The following CPNE4 variants were observed in gnomAD, a reference collection of about 807,000 sequenced individuals.
CPNE4 encodes the protein copine-4.
Under a neutral mutation model 67.9 loss-of-function variants are expected in CPNE4, and 25 were observed. The observed-to-expected ratio is 0.37, with a 90% CI of 0.27 to 0.51. CPNE4 has a LOEUF of 0.51. Among genes scored for constraint, CPNE4 ranks in the 20% least tolerant of loss-of-function variants. CPNE4 has a pLI of 0.93. For missense variants in CPNE4, 464 were observed against 690.8 expected, an observed-to-expected ratio of 0.67 and a Z score of 3.68; for synonymous variants, 242 against 244.9, an observed-to-expected ratio of 0.99 and a Z score of 0.11.
intron 15 of CPNE4, chr3:131,538,726 C>T (rs1935313537): frequency 6.6e-6 from 1 of 152,148 alleles, no homozygotes; most frequent in Admixed American, 6.5e-5. Flanking sequence ...GAAGTGGGGC[C>T]TCATAAGATG....
At chr3:131,772,028 AT>A (rs1470501703) in intron 2 of CPNE4, among the ~76,000 whole-genome samples, 1 of 152,166 alleles carries the variant, frequency 6.6e-6, no homozygotes, top group Non-Finnish European at 1.5e-5. Context: ...CTCAGTATCC[AT>A]TCGCAAATGA....
intron 2 of CPNE4, among the ~76,000 whole-genome samples, chr3:131,781,921 T>A (rs1018929790): frequency 5.9e-5 from 9 of 152,244 alleles, no homozygotes; most frequent in Admixed American, 3.3e-4. Flanking sequence ...GCTTTTCTGA[T>A]TGCCACCTCT....
chr3:131,902,480 T>C (rs2088590613), intron 2 of CPNE4, among the ~76,000 whole-genome samples: 1 of 152,104 alleles, frequency 6.6e-6, no homozygotes, highest in Non-Finnish European at 1.5e-5. Context: ...TTTATTGCAG[T>C]ATTACTTAAA....
At chr3:131,570,833 A>G (rs1369645917) in intron 10 of CPNE4, among the ~76,000 whole-genome samples, 3 of 152,058 alleles carry the variant, frequency 2.0e-5, no homozygotes, top group Non-Finnish European at 4.4e-5. Flanking sequence ...AGAATCATTG[A>G]CTGTCTAGGG....
chr3:131,641,654 C>T (rs925407912), intron 7 of CPNE4, among the ~76,000 whole-genome samples: 1 of 152,142 alleles, frequency 6.6e-6, no homozygotes, highest in Non-Finnish European at 1.5e-5. Flanking sequence ...AATTCTACTA[C>T]TAGGTATTTA....
intron 7 of CPNE4, among the ~76,000 whole-genome samples, chr3:131,658,019 T>C (rs763992384): frequency 2.0e-5 from 3 of 152,172 alleles, no homozygotes; most frequent in African/African-American, 4.8e-5. Context: ...AAATAACATA[T>C]TTTGGTTGCT....
Position 131,871,908 on chromosome 3 carries a change from AG to A in CPNE4, c.180+33355del, listed in dbSNP as rs543319069. ...CTATCGCCTCTATGAACCCCATACC[AG>A]CCCAGGCTAAGTAAGATGCTGTGGT... On this transcript the variant is annotated intron_variant, in intron 2 of 15. Transcript: ENST00000429747. Among the ~76,000 whole-genome samples, 113 of 152,304 alleles carry A rather than the reference AG, an allele frequency of 7.4e-4. 1 individual carries two copies. Among genetic ancestry groups the A allele is most frequent in the African/African-American group, 2.7e-3 (112 of 41,576 alleles).
At position 131,821,330 on chromosome 3, in the gene CPNE4, C is replaced by T. The variant is rs542120400; in HGVS notation, c.180+83934G>A. Among the ~76,000 whole-genome samples, 27 of 152,312 alleles carry T rather than the reference C, an allele frequency of 1.8e-4. No individual in the cohort carries two copies. In the South Asian group the frequency reaches 5.2e-3, roughly 29 times the overall value. On this transcript the variant is annotated intron_variant, in intron 2 of 15. Transcript: ENST00000429747. The stretch of plus-strand genomic sequence containing the variant: ...ATACTGGGAATTTAGAGAGAATCCA[C>T]AGAAGGCTGGGGAAATGAGTTTGGC...
At chr3:131,712,821 A>T (rs2081591285) in intron 3 of CPNE4, among the ~76,000 whole-genome samples, 1 of 152,236 alleles carries the variant, frequency 6.6e-6, no homozygotes, top group Non-Finnish European at 1.5e-5. Flanking sequence ...GGGGAAACAC[A>T]AGGGCTGAAT....
intron 8 of CPNE4, 74 bp downstream of exon 8, chr3:131,587,410 G>A (rs75384512): frequency 1.1e-6 from 1 of 939,908 alleles, no homozygotes; most frequent in Non-Finnish European, 1.7e-6. Flanking sequence ...GCCTCTTGCT[G>A]TTTCATTGGT....
At chr3:131,860,502 AT>A (rs2086631497) in intron 2 of CPNE4, among the ~76,000 whole-genome samples, 1 of 152,206 alleles carries the variant, frequency 6.6e-6, no homozygotes, top group South Asian at 2.1e-4. Context: ...AACTCAGAGA[AT>A]TAAGACATCT....
intron 2 of CPNE4, among the ~76,000 whole-genome samples, chr3:131,726,580 T>G (rs1346812606): frequency 2.6e-5 from 4 of 152,162 alleles, no homozygotes; most frequent in Non-Finnish European, 4.4e-5. Flanking sequence ...ATTATTTTTT[T>G]CTGGTGCCTA....
At chr3:131,833,621 C>A (rs1037424576) in intron 2 of CPNE4, among the ~76,000 whole-genome samples, 3 of 152,162 alleles carry the variant, frequency 2.0e-5, no homozygotes, top group Non-Finnish European at 4.4e-5. Flanking sequence ...ATCACCTGAG[C>A]CCAGGAGGTC....
chr3:131,967,375 C>A (rs2072380156), intron 1 of CPNE4, among the ~76,000 whole-genome samples: 1 of 152,020 alleles, frequency 6.6e-6, no homozygotes, highest in African/African-American at 2.4e-5. Flanking sequence ...CTGGCCAGGG[C>A]AATCAGGCAA....
At chr3:131,801,452 G>GTGTGTGTGTGTGTATATATATA (rs761978890) in intron 2 of CPNE4, among the ~76,000 whole-genome samples, 1 of 53,384 alleles carries the variant, frequency 1.9e-5, no homozygotes, top group African/African-American at 7.8e-5. Context: ...GTGTGTGTGT[G>GTGTGTGTGTGTGTATATATATA]TATATATATA....
At chr3:131,957,654 T>C (rs1267464829) in intron 1 of CPNE4, among the ~76,000 whole-genome samples, 3 of 152,150 alleles carry the variant, frequency 2.0e-5, no homozygotes, top group Non-Finnish European at 4.4e-5. Context: ...ACTTAGCCAT[T>C]CACTCACCAA....
intron 3 of CPNE4, among the ~76,000 whole-genome samples, chr3:131,705,372 T>C (rs532863304): frequency 5.9e-5 from 9 of 152,250 alleles, no homozygotes; most frequent in East Asian, 3.9e-4. Flanking sequence ...TGCAGGCACA[T>C]TGATGTTGAG....
At chr3:131,999,241 TAAAAAAAAAAAA>T (rs79127364) in intron 1 of CPNE4, among the ~76,000 whole-genome samples, 1 of 98,834 alleles carries the variant, frequency 1.0e-5, no homozygotes, top group African/African-American at 5.4e-5. Context: ...TTATCCAAGG[TAAAAAAAAAAAA>T]AAAAAAAAAA....
chr3:131,662,625 A>AAAGC (rs1553748806), intron 7 of CPNE4, among the ~76,000 whole-genome samples: 1 of 151,666 alleles, frequency 6.6e-6, no homozygotes, highest in Admixed American at 6.6e-5. Context: ...TTACAAGAAA[A>AAAGC]AAACAACCCC....
Sources: gnomAD v4.1 joint callset for allele counts (sites outside exome capture counted in the v4.1 genomes callset) on GRCh38, gnomAD v4.1.1 for gene constraint, MANE v1.5 for transcripts, NCBI Gene and HGNC (gene_info 2026-07-23, HGNC 2026-07-21) for gene names.